PRDM16: variants seen among roughly 807,000 people sequenced by gnomAD.
PRDM16 encodes the protein histone-lysine N-methyltransferase PRDM16.
PRDM16 carries 23 observed loss-of-function variants against 110.6 expected under a neutral mutation model. The ratio of observed to expected loss-of-function variants is 0.21; its 90% CI spans 0.15 to 0.29. PRDM16 has a LOEUF of 0.29. PRDM16 is among the 10% of genes least tolerant of loss of function. The probability of loss-of-function intolerance (pLI) is 1.00; values close to 1 mark genes in which losing one functional copy is unlikely to be tolerated. For synonymous variants in PRDM16, 799 were observed against 781.8 expected (o/e 1.02, Z -0.37); for missense variants, 1,615 against 1,794.3 (o/e 0.90, Z 1.81).
chr1:3,387,166 C>T (rs536614613), intron 4 of PRDM16, among the ~76,000 whole-genome samples: 5 of 152,258 alleles, frequency 3.3e-5, no homozygotes, highest in East Asian at 1.9e-4. Flanking sequence ...AATCCTGATC[C>T]GTTCCTTCCC....
chr1:3,106,435 C>T (rs1206565926), intron 1 of PRDM16, among the ~76,000 whole-genome samples: 5 of 152,114 alleles, frequency 3.3e-5, no homozygotes, highest in African/African-American at 7.2e-5. Flanking sequence ...GGGCCAGAAG[C>T]GGCTCAGGGG....
intron 2 of PRDM16, among the ~76,000 whole-genome samples, chr1:3,239,642 T>A (rs1244217118): frequency 6.6e-6 from 1 of 152,166 alleles, no homozygotes; most frequent in Non-Finnish European, 1.5e-5. Context: ...ACTTCAGAAA[T>A]GGGCAAGAAA....
chr1:3,220,686 G>A (rs1639131611), intron 2 of PRDM16, among the ~76,000 whole-genome samples: 1 of 152,188 alleles, frequency 6.6e-6, no homozygotes, highest in African/African-American at 2.4e-5. Flanking sequence ...CAGTTCCTGG[G>A]TGTCACTGGG....
chr1:3,317,005 G>C (rs1641623260), intron 3 of PRDM16, among the ~76,000 whole-genome samples: 1 of 152,098 alleles, frequency 6.6e-6, no homozygotes, highest in East Asian at 1.9e-4. Flanking sequence ...CAGTGACATG[G>C]GGTAGCCAGG....
At chr1:3,386,313 T>C (rs1340196915) in intron 4 of PRDM16, among the ~76,000 whole-genome samples, 1 of 152,230 alleles carries the variant, frequency 6.6e-6, no homozygotes, top group Non-Finnish European at 1.5e-5. Flanking sequence ...CCGCGTAGCC[T>C]GTGCAAGCCA....
intron 3 of PRDM16, among the ~76,000 whole-genome samples, chr1:3,341,066 CT>C (rs1246858419): frequency 6.7e-5 from 4 of 59,882 alleles, no homozygotes; most frequent in Non-Finnish European, 1.6e-4. Context: ...TTGCTGCCCC[CT>C]GAGCCCTCGT....
In PRDM16 at chr1:3,390,506, C is replaced by T. The variant is rs956752097; in HGVS notation, c.573+5220C>T. On this transcript the variant is annotated intron_variant, in intron 4 of 16. Transcript: ENST00000270722. The surrounding 1 kb of genome is among the most constrained non-coding windows in gnomAD (Gnocchi z 5.0). ...CCTTCCAGGGGCAGAGCAGGGGTCC[C>T]GGCGCCCGCCGTGGAGCAGCACAGC... 1.3e-5 allele frequency among the ~76,000 whole-genome samples: 2 copies of T among 152,174 alleles called. No homozygotes were observed. Among genetic ancestry groups the T allele is most frequent in the Non-Finnish European group, 2.9e-5 (2 of 68,022 alleles).
chr1:3,078,940 C>T (rs1641957411), intron 1 of PRDM16, among the ~76,000 whole-genome samples: 1 of 152,246 alleles, frequency 6.6e-6, no homozygotes, highest in African/African-American at 2.4e-5. Flanking sequence ...CTGTAACAGC[C>T]TCGTCAGAGA....
chr1:3,288,280 G>A (rs76738833), intron 3 of PRDM16, among the ~76,000 whole-genome samples: 17,304 of 152,194 alleles, frequency 0.11, 1,088 homozygotes, highest in Middle Eastern at 0.17. Context: ...AGGGGCCTGC[G>A]GTGAGGAGGT....
chr1:3,389,725 G>A (rs1490045986), intron 4 of PRDM16, among the ~76,000 whole-genome samples: 3 of 152,230 alleles, frequency 2.0e-5, no homozygotes, highest in Non-Finnish European at 4.4e-5. Context: ...CTCCTGAAGC[G>A]GCGCAGGCTC....
At chr1:3,294,408 G>A (rs1193061813) in intron 3 of PRDM16, among the ~76,000 whole-genome samples, 5 of 152,002 alleles carry the variant, frequency 3.3e-5, no homozygotes, top group Non-Finnish European at 7.4e-5. Context: ...CCCACCTCAG[G>A]GTTTTCTCTT....
intron 1 of PRDM16, among the ~76,000 whole-genome samples, chr1:3,144,631 C>T (rs563320723): frequency 6.6e-6 from 1 of 152,200 alleles, no homozygotes; most frequent in Admixed American, 6.5e-5. Flanking sequence ...AGATGGTGCT[C>T]TGTGTGCCCG....
rs1282161892 is a variant in PRDM16, at chr1:3,350,075, A to C, written c.439-35077A>C. On this transcript the variant is annotated intron_variant, in intron 3 of 16. Transcript: ENST00000270722. The surrounding 1 kb of genome is among the most constrained non-coding windows in gnomAD (Gnocchi z 7.1). ...GACCTGGGGCCAGGTGCAGTGGCCCAAAATCCCAGCACCTTGGGAGGCCAA... is the reference window on the plus strand; with the variant it reads ...GACCTGGGGCCAGGTGCAGTGGCCCCAAATCCCAGCACCTTGGGAGGCCAA... Among the ~76,000 whole-genome samples the C allele has an allele frequency of 6.6e-6, 1 of 152,200 alleles. No individual in the cohort carries two copies. The highest frequency in any genetic ancestry group is 1.5e-5 in the Non-Finnish European group (1 of 68,034).
intron 1 of PRDM16, among the ~76,000 whole-genome samples, chr1:3,126,137 C>T (rs1013727807): frequency 2.6e-5 from 4 of 152,332 alleles, no homozygotes; most frequent in South Asian, 4.1e-4. Flanking sequence ...TCTCAATAAA[C>T]GCGGGGAGAA....
chr1:3,287,890 C>T (rs1640893423), intron 3 of PRDM16, among the ~76,000 whole-genome samples: 1 of 152,120 alleles, frequency 6.6e-6, no homozygotes, highest in African/African-American at 2.4e-5. Context: ...GCTGGAGCCG[C>T]CCCCTGCATG....
intron 1 of PRDM16, among the ~76,000 whole-genome samples, chr1:3,122,149 G>A (rs1316848427): frequency 2.6e-5 from 4 of 152,302 alleles, no homozygotes; most frequent in African/African-American, 9.6e-5. Context: ...CAGCCGGGCT[G>A]TGTGGCACAG....
In PRDM16 at chr1:3,274,772, C is replaced by T. The variant is rs1011392031; in HGVS notation, c.438+30635C>T. On this transcript the variant is annotated intron_variant, in intron 3 of 16. Coordinates refer to ENST00000270722, the MANE Select transcript of PRDM16 (RefSeq NM_022114.4). ...TTAGGGAAGGTTTATTTTGCTGCTG[C>T]ATGGCTGGCTTTTCCATTACCTTCT... Among the ~76,000 whole-genome samples, 28 of 152,218 alleles carry T rather than the reference C, an allele frequency of 1.8e-4. 1 individual carries two copies. The highest frequency in any genetic ancestry group is 4.4e-5 in the Non-Finnish European group (3 of 68,044).
In PRDM16 at chr1:3,425,812, G is replaced by T. The variant is rs889506465; in HGVS notation, c.3109+62G>T. The stretch of plus-strand genomic sequence containing the variant: ...CACACGGGCAGGCCCCACAGAGGGG[G>T]AGGGGGAACAGCAGGGGAGTGGGCG... On this transcript the variant is annotated intron_variant, in intron 13 of 16. Transcript: ENST00000270722. The surrounding 1 kb of genome is among the most constrained non-coding windows in gnomAD (Gnocchi z 6.9). The T allele has an allele frequency of 3.1e-6, 5 of 1,594,486 alleles. No individual in the cohort carries two copies. The African/African-American group carries it at 4.0e-5, about 13-fold the overall frequency.
intron 3 of PRDM16, among the ~76,000 whole-genome samples, chr1:3,363,399 G>A (rs1462879271): frequency 1.3e-5 from 2 of 152,152 alleles, no homozygotes; most frequent in African/African-American, 4.8e-5. Flanking sequence ...TTTCCTCCCA[G>A]CAGGGAGGGA....
Sources: gnomAD v4.1 joint callset for allele counts (sites outside exome capture counted in the v4.1 genomes callset) on GRCh38, gnomAD v4.1.1 for gene constraint, Gnocchi (gnomAD v3.1) non-coding constraint, MANE v1.5 for transcripts, NCBI Gene and HGNC (gene_info 2026-07-23, HGNC 2026-07-21) for gene names.